GSE1: variants seen among roughly 807,000 people sequenced by gnomAD.
GSE1 encodes Gse1 coiled-coil protein, also known as genetic suppressor element 1.
Under a neutral mutation model 112.6 loss-of-function variants are expected in GSE1, and 32 were observed. That is an observed-to-expected ratio of 0.28 (90% confidence interval 0.21 to 0.38). The LOEUF (loss-of-function observed/expected upper bound fraction) is 0.38, where lower values mean the gene tolerates loss of function less well. GSE1 is among the 10% of genes least tolerant of loss of function. GSE1 has a pLI of 1.00. For synonymous variants in GSE1, 1,115 were observed against 735.6 expected (o/e 1.52, Z -8.35); for missense variants, 2,348 against 1,699.2 (o/e 1.38, Z -6.71).
intron 1 of GSE1, among the ~76,000 whole-genome samples, chr16:85,273,998 G>A (rs762279737): frequency 1.3e-5 from 2 of 150,834 alleles, no homozygotes; most frequent in Non-Finnish European, 1.5e-5. Flanking sequence ...CACCCATCCA[G>A]GGTCTCTTTT....
intron 1 of GSE1, among the ~76,000 whole-genome samples, chr16:85,263,217 G>C (rs545363223): frequency 2.0e-5 from 3 of 152,230 alleles, no homozygotes; most frequent in South Asian, 2.1e-4. Context: ...TCATCATCAT[G>C]ATGTTAGCAT....
At chr16:85,426,166 G>A (rs1354470633) in intron 2 of GSE1, among the ~76,000 whole-genome samples, 4 of 148,586 alleles carry the variant, frequency 2.7e-5, no homozygotes, top group African/African-American at 1.0e-4. Context: ...TGGGTGGGTG[G>A]GGTGGATGGA....
intron 2 of GSE1, among the ~76,000 whole-genome samples, chr16:85,643,308 A>C (rs1352362195): frequency 6.6e-6 from 1 of 152,032 alleles, no homozygotes; most frequent in Non-Finnish European, 1.5e-5. Flanking sequence ...CGCGGTGAGA[A>C]TGAGGGTTCG....
At chr16:85,244,033 G>C (rs1373525475) in intron 1 of GSE1, among the ~76,000 whole-genome samples, 2 of 152,184 alleles carry the variant, frequency 1.3e-5, no homozygotes, top group African/African-American at 2.4e-5. Flanking sequence ...GGCTGAGGTA[G>C]GAGAATTGCT....
chr16:85,403,684 C>G (rs981390683), intron 2 of GSE1, among the ~76,000 whole-genome samples: 1 of 152,080 alleles, frequency 6.6e-6, no homozygotes, highest in African/African-American at 2.4e-5. Flanking sequence ...TGCCTGTGGT[C>G]CCAGCTATGT....
intron 2 of GSE1, among the ~76,000 whole-genome samples, chr16:85,545,914 C>T (rs1245407448): frequency 6.6e-6 from 1 of 151,834 alleles, no homozygotes; most frequent in Non-Finnish European, 1.5e-5. Context: ...TCCCGAGTAG[C>T]TGGGACTACA....
At position 85,654,832 on chromosome 16, in the gene GSE1, C is replaced by T. The variant is rs748812457; in HGVS notation, c.638C>T (p.Thr213Ile). The T allele has an allele frequency of 1.9e-5, 31 of 1,611,856 alleles. No individual in the cohort carries two copies. In the African/African-American group the frequency reaches 4.1e-4, roughly 22 times the overall value. The change falls in exon 5 of 16, where the codon ACC (threonine) becomes ATC (isoleucine). Residue 213 changes from threonine (T) to isoleucine (I), a missense_variant. By Grantham distance (89) the Thr-to-Ile change is moderately conservative. Coordinates refer to ENST00000253458, the MANE Select transcript of GSE1 (RefSeq NM_014615.5). ...RPVHHVVPPS[T>I]VTEDYLRSFR... Reference sequence around the variant, plus strand: ...GTGCACCACGTGGTGCCCCCCAGTACCGTGACCGAGGACTACCTGAGAAGC... The same window carrying T: ...GTGCACCACGTGGTGCCCCCCAGTATCGTGACCGAGGACTACCTGAGAAGC...
At chr16:85,220,333 G>T (rs2075369863) in intron 1 of GSE1, among the ~76,000 whole-genome samples, 1 of 152,224 alleles carries the variant, frequency 6.6e-6, no homozygotes, top group Non-Finnish European at 1.5e-5. Flanking sequence ...ACCACATGTT[G>T]CCAGGAGCCT....
intron 1 of GSE1, among the ~76,000 whole-genome samples, chr16:85,567,187 A>G (rs937966660): frequency 2.1e-4 from 32 of 150,620 alleles, no homozygotes; most frequent in African/African-American, 7.5e-4. Context: ...GGTCAGACCA[A>G]CCGTTGCGGG....
intron 2 of GSE1, among the ~76,000 whole-genome samples, chr16:85,401,009 A>G (rs76627464): frequency 0.022 from 3,421 of 152,268 alleles, 141 homozygotes; most frequent in African/African-American, 0.077. Context: ...CATCTACATC[A>G]GTGCGGGTGC....
At position 85,666,306 on chromosome 16, in the gene GSE1, C is replaced by T. The variant is rs2052855751; in HGVS notation, c.3089C>T (p.Ser1030Leu). The change falls in exon 13 of 16, where the codon TCA (serine) becomes TTA (leucine). Residue 1030 changes from serine to leucine, a missense_variant. Coordinates refer to ENST00000253458, the MANE Select transcript of GSE1 (RefSeq NM_014615.5). ...GAGTTTGCACATCAGTTCCACGAGT[C>T]AGTGCTGCAGTCCACCCAGAAGGCC... is the stretch of plus-strand genomic sequence containing the variant. ...AEEFAHQFHE[S>L]VLQSTQKALQ... The T allele has an allele frequency of 6.2e-7, 1 of 1,613,848 alleles. No homozygotes were observed. The highest frequency in any genetic ancestry group is 8.5e-7 in the Non-Finnish European group (1 of 1,179,990).
chr16:85,244,852 G>T (rs1255982816), intron 1 of GSE1, among the ~76,000 whole-genome samples: 2 of 152,072 alleles, frequency 1.3e-5, no homozygotes, highest in East Asian at 1.9e-4. Flanking sequence ...TTAGCCGTGC[G>T]TGATGGCACA....
chr16:85,169,721 A>G (rs982636492), exon 1 of GSE1: 451 of 982,970 alleles, frequency 4.6e-4, no homozygotes, highest in Non-Finnish European at 5.2e-4. Flanking sequence ...CCGTTCCTGC[A>G]GCAGCAGGAG....
At chr16:85,644,660 G>C (rs1420787656) in intron 2 of GSE1, among the ~76,000 whole-genome samples, 1 of 152,158 alleles carries the variant, frequency 6.6e-6, no homozygotes, top group African/African-American at 2.4e-5. Context: ...TGGGGAGACG[G>C]GAGTGGTTGC....
At chr16:85,646,532 G>T (rs1490297220) in intron 2 of GSE1, among the ~76,000 whole-genome samples, 1 of 152,250 alleles carries the variant, frequency 6.6e-6, no homozygotes, top group African/African-American at 2.4e-5. Flanking sequence ...GGCCTGCCTT[G>T]TTGGGGACCT....
intron 1 of GSE1, among the ~76,000 whole-genome samples, chr16:85,586,580 G>A (rs987888819): frequency 4.6e-5 from 7 of 152,214 alleles, no homozygotes; most frequent in Non-Finnish European, 8.8e-5. Context: ...CTGCCAGGCC[G>A]CATGGCCAAG....
Position 85,212,552 on chromosome 16 carries a change from G to A in GSE1, c.2283+40745G>A, listed in dbSNP as rs138425918. On this transcript the variant is annotated intron_variant, in intron 1 of 2. Transcript: ENST00000637419. ...ACCGTGTAAGGACATGGGGAAGACA[G>A]CGTTTTCAGGCTAAGGAGAGAGGCC... 3.2e-3 allele frequency among the ~76,000 whole-genome samples: 487 copies of A among 152,346 alleles called. 3 individuals carry two copies. Among genetic ancestry groups the A allele is most frequent in the African/African-American group, 0.011 (457 of 41,574 alleles).
At chr16:85,378,808 G>A (rs2047480570) in intron 2 of GSE1, among the ~76,000 whole-genome samples, 1 of 152,156 alleles carries the variant, frequency 6.6e-6, no homozygotes, top group South Asian at 2.1e-4. Flanking sequence ...TGTCCTTGTG[G>A]CTACCCCCGT....
intron 1 of GSE1, among the ~76,000 whole-genome samples, chr16:85,255,411 A>G (rs75222106): frequency 6.3e-5 from 9 of 141,876 alleles, no homozygotes; most frequent in South Asian, 2.2e-4. Context: ...GTCAGTGCCT[A>G]CTTTTTTTTT....
Sources: gnomAD v4.1 joint callset for allele counts (sites outside exome capture counted in the v4.1 genomes callset) on GRCh38, gnomAD v4.1.1 for gene constraint, MANE v1.5 for transcripts, NCBI Gene and HGNC (gene_info 2026-07-23, HGNC 2026-07-21) for gene names.